Variants in GSE1 observed in about 807,000 individuals in gnomAD.
GSE1 encodes genetic suppressor element 1.
A neutral mutation model predicts 112.6 loss-of-function variants in GSE1; 32 were observed. The ratio of observed to expected loss-of-function variants is 0.28; its 90% CI spans 0.21 to 0.38. The LOEUF (loss-of-function observed/expected upper bound fraction) is 0.38. Ranked by LOEUF, GSE1 falls within the 10% of genes least tolerant of loss-of-function variation. The pLI is 1.00. For missense variants in GSE1, 2,348 were observed against 1,699.2 expected, an observed-to-expected ratio of 1.38 and a Z score of -6.71; for synonymous variants, 1,115 against 735.6, an observed-to-expected ratio of 1.52 and a Z score of -8.35.
intron 1 of GSE1, among the ~76,000 whole-genome samples, chr16:85,284,129 CT>C (rs2044941279): frequency 6.6e-6 from 1 of 152,188 alleles, no homozygotes; most frequent in Non-Finnish European, 1.5e-5. Flanking sequence ...AGTTGTTCAG[CT>C]TTCAAGATGC....
intron 2 of GSE1, among the ~76,000 whole-genome samples, chr16:85,385,423 G>A (rs2047666397): frequency 6.6e-6 from 1 of 152,216 alleles, no homozygotes. Context: ...CCTGGACAGA[G>A]ACTCAAAGCC....
chr16:85,303,861 C>T (rs915683911), intron 1 of GSE1, among the ~76,000 whole-genome samples: 1 of 152,218 alleles, frequency 6.6e-6, no homozygotes, highest in Non-Finnish European at 1.5e-5. Context: ...GGCTGGGAAT[C>T]GCCTGGCAGT....
intron 1 of GSE1, among the ~76,000 whole-genome samples, chr16:85,268,516 G>A (rs955727631): frequency 2.0e-5 from 3 of 152,096 alleles, no homozygotes; most frequent in Non-Finnish European, 4.4e-5. Flanking sequence ...AGGGGTGCTG[G>A]CTTTGGGCTG....
chr16:85,492,595 C>T (rs1301032858), intron 2 of GSE1, among the ~76,000 whole-genome samples: 1 of 152,230 alleles, frequency 6.6e-6, no homozygotes, highest in Non-Finnish European at 1.5e-5. Context: ...CCCAGAGAGG[C>T]CGAACAGCTT....
chr16:85,265,788 G>A (rs920934914), intron 1 of GSE1, among the ~76,000 whole-genome samples: 12 of 152,106 alleles, frequency 7.9e-5, no homozygotes, highest in Admixed American at 3.9e-4. Context: ...ATGCATCGCC[G>A]GGGTCCAGGC....
At chr16:85,361,975 G>A (rs2047091877) in intron 2 of GSE1, among the ~76,000 whole-genome samples, 1 of 152,230 alleles carries the variant, frequency 6.6e-6, no homozygotes, top group South Asian at 2.1e-4. Flanking sequence ...GGCTGGCCAG[G>A]CTCTCACCAT....
At chr16:85,304,991 G>A (rs1173348548) in intron 1 of GSE1, among the ~76,000 whole-genome samples, 1 of 152,122 alleles carries the variant, frequency 6.6e-6, no homozygotes, top group African/African-American at 2.4e-5. Flanking sequence ...TCTCAGGCCC[G>A]CCCAACACAA....
At chr16:85,299,309 C>T (rs544003510) in intron 1 of GSE1, among the ~76,000 whole-genome samples, 8 of 152,316 alleles carry the variant, frequency 5.3e-5, no homozygotes, top group Admixed American at 2.6e-4. Flanking sequence ...TATTCAGGAA[C>T]GGGCCGGTCT....
chr16:85,545,680 T>C (rs188917672), intron 2 of GSE1, among the ~76,000 whole-genome samples: 20 of 152,344 alleles, frequency 1.3e-4, no homozygotes, highest in African/African-American at 4.8e-4. Flanking sequence ...GATAATGTAC[T>C]TAAAGCATGT....
At chr16:85,270,878 G>A (rs537383411) in intron 1 of GSE1, among the ~76,000 whole-genome samples, 1 of 152,226 alleles carries the variant, frequency 6.6e-6, no homozygotes, top group Non-Finnish European at 1.5e-5. Context: ...AGAGGCAGGC[G>A]GACATGGAAA....
chr16:85,181,548 G>A (rs998667450), intron 1 of GSE1, among the ~76,000 whole-genome samples: 2 of 152,246 alleles, frequency 1.3e-5, no homozygotes, highest in Non-Finnish European at 2.9e-5. Flanking sequence ...TCAGCTTTCA[G>A]AAAGGCTCTC....
At chr16:85,196,083 A>G (rs1361214071) in intron 1 of GSE1, among the ~76,000 whole-genome samples, 1 of 152,214 alleles carries the variant, frequency 6.6e-6, no homozygotes, top group African/African-American at 2.4e-5. Flanking sequence ...CCAGTGGGGA[A>G]AAACGAGGGC....
chr16:85,543,500 T>C (rs996396825), intron 2 of GSE1, among the ~76,000 whole-genome samples: 1 of 152,192 alleles, frequency 6.6e-6, no homozygotes, highest in African/African-American at 2.4e-5. Context: ...CCATTCCCCA[T>C]GTTTTTTGCA....
At chr16:85,409,862 A>G (rs866427315) in intron 2 of GSE1, among the ~76,000 whole-genome samples, 1 of 9,816 alleles carries the variant, frequency 1.0e-4, no homozygotes, top group Non-Finnish European at 1.8e-4. Flanking sequence ...CCTCACTGTT[A>G]CACTCAGGGC....
intron 1 of GSE1, among the ~76,000 whole-genome samples, chr16:85,196,379 C>T (rs76263847): frequency 5.3e-5 from 8 of 152,150 alleles, no homozygotes; most frequent in African/African-American, 1.9e-4. Context: ...ATCTGACTGT[C>T]AGCCCCTGGG....
chr16:85,642,762 G>T (rs540882167), intron 2 of GSE1, among the ~76,000 whole-genome samples: 4 of 152,334 alleles, frequency 2.6e-5, no homozygotes, highest in African/African-American at 7.2e-5. Flanking sequence ...GGGGTGGGTC[G>T]GGGCCGTGCA....
chr16:85,389,674 G>A (rs1359011070), intron 2 of GSE1, among the ~76,000 whole-genome samples: 3 of 152,102 alleles, frequency 2.0e-5, no homozygotes, highest in Admixed American at 6.5e-5. Flanking sequence ...CTGCTCTCAC[G>A]GCTGAGCCCC....
chr16:85,561,616 G>A (rs1306020618), intron 1 of GSE1, among the ~76,000 whole-genome samples: 1 of 152,244 alleles, frequency 6.6e-6, no homozygotes, highest in East Asian at 1.9e-4. Context: ...TTGGCCCATA[G>A]CCATGAAGCC....
intron 2 of GSE1, among the ~76,000 whole-genome samples, chr16:85,508,505 A>G (rs2051618429): frequency 6.6e-6 from 1 of 152,186 alleles, no homozygotes; most frequent in Admixed American, 6.5e-5. Context: ...GTAGGGAGCC[A>G]GGAGGGGCTG....
Sources: gnomAD v4.1 joint callset for allele counts (sites outside exome capture counted in the v4.1 genomes callset) on GRCh38, gnomAD v4.1.1 for gene constraint, MANE v1.5 for transcripts, NCBI Gene and HGNC (gene_info 2026-07-23, HGNC 2026-07-21) for gene names.